The following TREX1 variants were observed in gnomAD, a reference collection of about 807,000 sequenced individuals.
TREX1 encodes three prime repair exonuclease 1.
Under a neutral mutation model 13.7 loss-of-function variants are expected in TREX1, and 11 were observed. The ratio of observed to expected loss-of-function variants is 0.80; its 90% CI spans 0.51 to 1.33. The LOEUF is 1.33. Ranked by LOEUF, TREX1 falls within the 40% of genes most tolerant of loss-of-function variation. The pLI is 0.00. For synonymous variants in TREX1, 178 were observed against 178.8 expected, an observed-to-expected ratio of 1.00 and a Z score of 0.03; for missense variants, 409 against 404.4, an observed-to-expected ratio of 1.01 and a Z score of -0.10.
chr3:48,466,440 G>GC (rs1480698351), intron 1 of TREX1, 131 bp downstream of exon 1: 1 of 1,612,782 alleles, frequency 6.2e-7, no homozygotes, highest in Non-Finnish European at 8.5e-7. Flanking sequence ...AGTCGAATGT[G>GC]CTGGTCCCAC....
upstream of TREX1, chr3:48,466,217 C>A: frequency 1.7e-6 from 1 of 574,518 alleles, no homozygotes; most frequent in Non-Finnish European, 3.1e-6. Flanking sequence ...TAGGCGGGCC[C>A]ACGCCAAGTT....
Position 48,467,565 on chromosome 3 carries a change from C to CTGTA in TREX1, c.913_916dup (p.Gly306ValfsTer20). 6.2e-7 allele frequency: 1 copy of CTGTA among 1,613,618 alleles called. No individual in the cohort carries two copies. The highest frequency in any genetic ancestry group is 8.5e-7 in the Non-Finnish European group (1 of 1,179,800). On this transcript the variant is annotated frameshift_variant, in exon 2 of 2. Transcript: ENST00000625293. LOFTEE classifies it high-confidence loss of function. ...CATCCTGACCTTGGCAGTAGCCACACTGTATGGACTATCCCTGGCCACACC... is the reference window on the plus strand; with the variant it reads ...CATCCTGACCTTGGCAGTAGCCACACTGTATGTATGGACTATCCCTGGCCACACC...
chr3:48,466,527 C>T lies in TREX1; in HGVS notation c.-26-103C>T, dbSNP rs371193946. 1.7e-5 allele frequency: 28 copies of T among 1,613,892 alleles called. No homozygotes were observed. In the African/African-American group the frequency reaches 3.5e-4, roughly 20 times the overall value. Reference sequence around the variant, plus strand: ...AGCTCGCAGACAGGGCAGGATTGTGCAGGGAAGGCCTGAGATGTGCTTCTG... The same window carrying T: ...AGCTCGCAGACAGGGCAGGATTGTGTAGGGAAGGCCTGAGATGTGCTTCTG... On this transcript the variant is annotated intron_variant, in intron 1 of 1. Transcript: ENST00000625293.
rs2040395106 is a variant in TREX1 at position 48,467,624 on chromosome 3, T to TAA, written c.*26_*27dup. 1 of 1,604,218 alleles carries TAA rather than the reference T, an allele frequency of 6.2e-7. No individual in the cohort carries two copies. The highest frequency in any genetic ancestry group is 8.5e-7 in the Non-Finnish European group (1 of 1,174,970). The stretch of plus-strand genomic sequence containing the variant: ...AGGCCAAGAAGGAAAATCTGACGAA[T>TAA]AAAGACCCCCGCTGCCCCATAGCAC... On this transcript the variant is annotated 3_prime_UTR_variant, in exon 2 of 2. Coordinates refer to ENST00000625293, the MANE Select transcript of TREX1 (RefSeq NM_033629.6).
chr3:48,466,441 C>T lies in TREX1; in HGVS notation c.-27+132C>T, dbSNP rs777555754. The T allele has an allele frequency of 2.5e-6, 4 of 1,612,424 alleles. No homozygotes were observed. The South Asian group carries it at 3.3e-5, about 13-fold the overall frequency. ...AGACCCTCTCAGACAGTCGAATGTGCTGGTCCCACTAAGGAAACCACCTCA... is the reference window on the plus strand; with the variant it reads ...AGACCCTCTCAGACAGTCGAATGTGTTGGTCCCACTAAGGAAACCACCTCA... On this transcript the variant is annotated intron_variant, in intron 1 of 1. Transcript: ENST00000625293.
chr3:48,466,129 T>C, upstream of TREX1: 1 of 417,104 alleles, frequency 2.4e-6, no homozygotes, highest in Non-Finnish European at 4.5e-6. Context: ...GGAGTGGGTG[T>C]GGGGGGGAAC....
rs1200269206 is a variant in TREX1 at position 48,466,830 on chromosome 3, C to T, written c.175C>T (p.Pro59Ser). The change falls in exon 2 of 2, where the codon CCA becomes TCA. Residue 59 changes from proline (P) to serine (S), a missense_variant. Physicochemically the swap from Pro to Ser is moderately conservative, Grantham distance 74 (BLOSUM62 -1). Transcript: ENST00000625293. ...TCAGGGGCCACCTCCCACAGTTCCTCCACCACCGCGTGTGGTAGACAAGCT... is the reference window on the plus strand; with the variant it reads ...TCAGGGGCCACCTCCCACAGTTCCTTCACCACCGCGTGTGGTAGACAAGCT... ...TSQGPPPTVP[P>S]PPRVVDKLSL... The T allele has an allele frequency of 1.2e-6, 2 of 1,614,020 alleles. No homozygotes were observed. The highest frequency in any genetic ancestry group is 2.2e-5 in the South Asian group (2 of 91,086).
At chr3:48,466,514 G>C (rs1193276098) in intron 1 of TREX1, 116 bp from the exon 2 acceptor site, 1 of 1,613,878 alleles carries the variant, frequency 6.2e-7, no homozygotes, top group Non-Finnish European at 8.5e-7. Flanking sequence ...CTCGCAGACA[G>C]GGCAGGATTG....
chr3:48,466,872 C>G lies in TREX1; in HGVS notation c.217C>G (p.Pro73Ala). The change falls in exon 2 of 2, where the codon CCG (proline) becomes GCG (alanine). Residue 73 changes from proline to alanine, a missense_variant. Coordinates refer to ENST00000625293, the MANE Select transcript of TREX1 (RefSeq NM_033629.6). ...AGACAAGCTCTCCCTGTGTGTGGCTCCGGGGAAGGCCTGCAGCCCTGCAGC... is the reference window on the plus strand; with the variant it reads ...AGACAAGCTCTCCCTGTGTGTGGCTGCGGGGAAGGCCTGCAGCCCTGCAGC... ...VVDKLSLCVA[P>A]GKACSPAASE... The G allele has an allele frequency of 6.2e-7, 1 of 1,613,412 alleles. No individual in the cohort carries two copies. Among genetic ancestry groups the G allele is most frequent in the Non-Finnish European group, 8.5e-7 (1 of 1,180,016 alleles).
Position 48,466,918 on chromosome 3 carries a change from G to T in TREX1, c.263G>T (p.Ser88Ile). 8 of 1,611,556 alleles carry T rather than the reference G, an allele frequency of 5.0e-6. No homozygotes were observed. Among genetic ancestry groups the T allele is most frequent in the Non-Finnish European group, 6.8e-6 (8 of 1,180,024 alleles). ...SPAASEITGL[S>I]TAVLAAHGRQ... ...GCAGCCAGCGAGATCACAGGTCTGA[G>T]CACAGCTGTGCTGGCAGCGCATGGG... Residue 88 changes from serine to isoleucine, a missense_variant, in exon 2 of 2, where the codon AGC (serine) becomes ATC (isoleucine). By Grantham distance (142) the Ser-to-Ile change is moderately radical. Transcript: ENST00000625293.
At position 48,466,649 on chromosome 3, in the gene TREX1, C is replaced by T. The variant is rs1462782243; in HGVS notation, c.-7C>T. On this transcript the variant is annotated 5_prime_UTR_variant, in exon 2 of 2. Transcript: ENST00000625293. ...CTCCAGGCTCAGCAGCAGGTACGTACCCAACCATGGGCTCGCAGGCCCTGC... is the reference window on the plus strand; with the variant it reads ...CTCCAGGCTCAGCAGCAGGTACGTATCCAACCATGGGCTCGCAGGCCCTGC... 6.2e-7 allele frequency: 1 copy of T among 1,614,012 alleles called. No homozygotes were observed. Among genetic ancestry groups the T allele is most frequent in the East Asian group, 2.2e-5 (1 of 44,850 alleles).
chr3:48,466,426 A>C, intron 1 of TREX1, 117 bp downstream of exon 1: 3 of 1,609,830 alleles, frequency 1.9e-6, no homozygotes, highest in Non-Finnish European at 8.5e-7. Context: ...AGACCCTCTC[A>C]GACAGTCGAA....
upstream of TREX1, chr3:48,466,211 C>T (rs951066741): frequency 9.4e-5 from 53 of 564,482 alleles, no homozygotes; most frequent in African/African-American, 1.3e-4. Flanking sequence ...GGCCTGTAGG[C>T]GGGCCCACGC....
intron 1 of TREX1, 103 bp from the exon 2 acceptor site, chr3:48,466,527 C>A: frequency 6.2e-7 from 1 of 1,614,010 alleles, no homozygotes; most frequent in Non-Finnish European, 8.5e-7. Flanking sequence ...CAGGATTGTG[C>A]AGGGAAGGCC....
Position 48,467,175 on chromosome 3 carries a change from AG to A in TREX1, c.522del (p.Lys175ArgfsTer5), listed in dbSNP as rs1242366963. The A allele has an allele frequency of 6.2e-7, 1 of 1,613,782 alleles. No individual in the cohort carries two copies. The highest frequency in any genetic ancestry group is 8.5e-7 in the Non-Finnish European group (1 of 1,179,910). On this transcript the variant is annotated frameshift_variant, in exon 2 of 2. Transcript: ENST00000625293. LOFTEE classifies it high-confidence loss of function. ...AAGCAGCCCCTCAGAACACGGCCCA[AG>A]GAAGAGCTATAGCCTAGGCAGCATC... Reference protein sequence around the residue: ...RASSPSEHGPRKSYSLGSIYT... With the variant: ...RASSPSEHGPXKSYSLGSIYT...
upstream of TREX1, chr3:48,466,078 C>A (rs1357405701): frequency 5.5e-6 from 2 of 366,248 alleles, no homozygotes; most frequent in Admixed American, 7.8e-5. Context: ...CAGGCCACAG[C>A]TGTGGATCTT....
Position 48,466,300 on chromosome 3 carries a change from G to A in TREX1, c.-36G>A. On this transcript the variant is annotated 5_prime_UTR_variant, in exon 1 of 2. Coordinates refer to ENST00000625293, the MANE Select transcript of TREX1 (RefSeq NM_033629.6). ...CCGAGTCACTACTGCCTGCCTGCCT[G>A]CCTGCTACGGTGAGTGTGGCCCCCA... is the stretch of plus-strand genomic sequence containing the variant. 1 of 715,916 alleles carries A rather than the reference G, an allele frequency of 1.4e-6. No homozygotes were observed. Among genetic ancestry groups the A allele is most frequent in the Non-Finnish European group, 2.4e-6 (1 of 411,148 alleles). The allele number at this position is 715,916 out of a possible 1,614,324, so 44.3% of individuals were successfully genotyped here.
Position 48,467,490 on chromosome 3 carries a change from C to T in TREX1, c.835C>T (p.Pro279Ser), listed in dbSNP as rs746963320. The T allele has an allele frequency of 1.9e-6, 3 of 1,614,114 alleles. No individual in the cohort carries two copies. In the Admixed American group the frequency reaches 5.0e-5, roughly 27 times the overall value. ...GTKDLPPVKD[P>S]GALSREGLLA... ...CAAGGATCTTCCTCCAGTGAAGGAC[C>T]CTGGAGCCCTATCCAGGGAGGGGCT... The change falls in exon 2 of 2, where the codon CCT becomes TCT. Residue 279 changes from proline (P) to serine (S), a missense_variant. Coordinates refer to ENST00000625293, the MANE Select transcript of TREX1 (RefSeq NM_033629.6).
At position 48,466,613 on chromosome 3, in the gene TREX1, C is replaced by T; in HGVS notation, c.-26-17C>T. The T allele has an allele frequency of 2.5e-6, 4 of 1,614,102 alleles. No homozygotes were observed. In the South Asian group the frequency reaches 4.4e-5, roughly 18 times the overall value. On this transcript the variant is annotated splice_polypyrimidine_tract_variant and intron_variant, in intron 1 of 1. Transcript: ENST00000625293. ...TAACACTGGGCACTCACACACCCAC[C>T]CCATGCTCCTCTCCAGGCTCAGCAG...
Sources: allele counts gnomAD v4.1 joint callset, GRCh38; gene constraint gnomAD v4.1.1; transcripts MANE v1.5; gene names NCBI Gene and HGNC (gene_info 2026-07-23, HGNC 2026-07-21).